Variants in SLC22A31 observed in about 807,000 individuals in gnomAD.
The protein encoded by SLC22A31 is putative solute carrier family 22 member 31.
A neutral mutation model predicts 27.4 loss-of-function variants in SLC22A31; 42 were observed. The observed-to-expected ratio is 1.53, with a 90% CI of 1.20 to 1.98. The LOEUF (loss-of-function observed/expected upper bound fraction) is 1.98. Ranked by LOEUF, SLC22A31 falls within the 30% of genes most tolerant of loss-of-function variation. The probability of loss-of-function intolerance (pLI) is 0.00; values close to 1 mark genes in which losing one functional copy is unlikely to be tolerated. For synonymous variants in SLC22A31, 290 were observed against 230.8 expected, an observed-to-expected ratio of 1.26 and a Z score of -2.33; for missense variants, 593 against 479.9, an observed-to-expected ratio of 1.24 and a Z score of -2.20.
intron 8 of SLC22A31, 26 bp downstream of exon 8, chr16:89,197,272 T>G: frequency 6.6e-7 from 1 of 1,522,134 alleles, no homozygotes. Flanking sequence ...GACCCTGCTG[T>G]GTGGCCGGGC....
rs1385619465 is a variant in SLC22A31, at chr16:89,196,212, C to T, written c.1128G>A (p.Leu376=). ...DTLHGRQGFF[L]QQVVFASLAV... is the part of the protein sequence containing the mutation. ...CAAGGGAGGCGAAGACGACTTGTTGCAGGAAGAAGCCCTGCCGGCCGTGCA... is the reference window on the plus strand; with the variant it reads ...CAAGGGAGGCGAAGACGACTTGTTGTAGGAAGAAGCCCTGCCGGCCGTGCA... Residue 376 remains leucine (L), a synonymous_variant, in exon 9 of 9, where the codon CTG becomes CTA. Coordinates refer to ENST00000682282, the MANE Select transcript of SLC22A31 (RefSeq NM_001384763.1). The T allele has an allele frequency of 1.3e-6, 2 of 1,534,890 alleles. No individual in the cohort carries two copies.
In SLC22A31 at chr16:89,199,254, A is replaced by G. The variant is rs892177287; in HGVS notation, c.284-63T>C. On this transcript the variant is annotated intron_variant, in intron 3 of 8. Transcript: ENST00000682282. ...GGAGGACTGGAACAGTTCCATTGGG[A>G]ACTGCGGGGACCTATTGGTGACCTG... is the stretch of plus-strand genomic sequence containing the variant. 15 of 1,438,286 alleles carry G rather than the reference A, an allele frequency of 1.0e-5. No individual in the cohort carries two copies. The African/African-American group carries it at 1.4e-4, about 14-fold the overall frequency. 89.1% of individuals were successfully genotyped at this position (1,438,286 alleles called of 1,614,324 possible).
At position 89,199,031 on chromosome 16, in the gene SLC22A31, G is replaced by A; in HGVS notation, c.444C>T (p.Leu148=). Residue 148 remains leucine (L), a synonymous_variant, in exon 4 of 9, where the codon CTC becomes CTT. Coordinates refer to ENST00000682282, the MANE Select transcript of SLC22A31 (RefSeq NM_001384763.1). ...GCTCCCACCACACTTACCCCCAAAA[G>A]AGCAGCAAGAGTCCACTCATCAGGG... ...LGALMSGLLL[L]FWGFPALFPE... is the part of the protein sequence containing the mutation. The A allele has an allele frequency of 6.5e-7, 1 of 1,535,444 alleles. No individual in the cohort carries two copies. The highest frequency in any genetic ancestry group is 8.7e-7 in the Non-Finnish European group (1 of 1,146,660).
At chr16:89,200,563 G>C (rs1004464296), upstream of SLC22A31, among the ~76,000 whole-genome samples, 1 of 152,218 alleles carries the variant, frequency 6.6e-6, no homozygotes. Context: ...GCAGGGTGGA[G>C]AGAGAAGCCC....
chr16:89,199,667 C>T (rs938035783), intron 2 of SLC22A31, 46 bp downstream of exon 2: 6 of 404,886 alleles, frequency 1.5e-5, no homozygotes, highest in Non-Finnish European at 2.6e-5. Flanking sequence ...TGAGAGTGGG[C>T]GGAGGGGAGG....
chr16:89,199,374 T>C, intron 3 of SLC22A31, 39 bp downstream of exon 3: 3 of 613,466 alleles, frequency 4.9e-6, no homozygotes, highest in Non-Finnish European at 8.5e-6. Context: ...GGCCACCCAC[T>C]GCCCCTCCCC....
chr16:89,196,539 G>A (rs2151608745), intron 8 of SLC22A31, among the ~76,000 whole-genome samples: 1 of 152,362 alleles, frequency 6.6e-6, no homozygotes, highest in East Asian at 1.9e-4. Flanking sequence ...ACTCCAGAGT[G>A]AGCAGGGGGA....
rs558405645 is a variant in SLC22A31 at position 89,196,446 on chromosome 16, C to A, written c.1035-141G>T. 7.9e-5 allele frequency: 98 copies of A among 1,235,624 alleles called. No homozygotes were observed. The African/African-American group carries it at 1.3e-3, about 16-fold the overall frequency. 76.5% of individuals were successfully genotyped at this position (1,235,624 alleles called of 1,614,324 possible). On this transcript the variant is annotated intron_variant, in intron 8 of 8. Coordinates refer to ENST00000682282, the MANE Select transcript of SLC22A31 (RefSeq NM_001384763.1). ...CCTGGCCCAGGAACCCGGCCCCCAG[C>A]ACCAGGCCCAGGCCGGCCCCTCTGT...
upstream of SLC22A31, chr16:89,201,555 C>A: frequency 2.5e-6 from 1 of 398,668 alleles, no homozygotes. Flanking sequence ...CTCCTCGGAG[C>A]TCAGCACCAG....
At chr16:89,201,629 G>C, upstream of SLC22A31, 1 of 398,062 alleles carries the variant, frequency 2.5e-6, no homozygotes, top group Non-Finnish European at 4.4e-6. Context: ...GGCCAAAGCC[G>C]CCCGCAGCTC....
Position 89,199,022 on chromosome 16 carries a change from C to A in SLC22A31, c.452+1G>T, listed in dbSNP as rs895490964. On this transcript the variant is annotated splice_donor_variant, in intron 4 of 8. Coordinates refer to ENST00000682282, the MANE Select transcript of SLC22A31 (RefSeq NM_001384763.1). LOFTEE classifies it high-confidence loss of function. ...GCTGGCCCAGCTCCCACCACACTTA[C>A]CCCCAAAAGAGCAGCAAGAGTCCAC... is the stretch of plus-strand genomic sequence containing the variant. The A allele has an allele frequency of 1.3e-6, 2 of 1,535,198 alleles. No individual in the cohort carries two copies. The highest frequency in any genetic ancestry group is 2.7e-5 in the African/African-American group (2 of 73,130).
chr16:89,197,977 A>G (rs1484883329), intron 7 of SLC22A31, 145 bp downstream of exon 7: 7 of 902,178 alleles, frequency 7.8e-6, no homozygotes, highest in Non-Finnish European at 1.1e-5. Context: ...TGGGCCTTCC[A>G]CAAGGATCAG....
chr16:89,198,520 T>C lies in SLC22A31; in HGVS notation c.629A>G (p.Gln210Arg), dbSNP rs1275077739. ...ELTMLSARSPQPRYHSPLGLL... is the reference protein window; with the variant it reads ...ELTMLSARSPRPRYHSPLGLL... Reference sequence around the variant, plus strand: ...CCCCAGTGGGGAGTGGTACCGGGGCTGGGGGCTCCGTGCAGACAGCATGGT... The same window carrying C: ...CCCCAGTGGGGAGTGGTACCGGGGCCGGGGGCTCCGTGCAGACAGCATGGT... Residue 210 changes from glutamine to arginine, a missense_variant, in exon 6 of 9, where the codon CAG (glutamine) becomes CGG (arginine). Coordinates refer to ENST00000682282, the MANE Select transcript of SLC22A31 (RefSeq NM_001384763.1). 1.3e-6 allele frequency: 2 copies of C among 1,510,868 alleles called. No homozygotes were observed. Among genetic ancestry groups the C allele is most frequent in the African/African-American group, 1.4e-5 (1 of 72,604 alleles). 93.6% of individuals were successfully genotyped at this position (1,510,868 alleles called of 1,614,324 possible).
rs182621216 is a variant in SLC22A31, at chr16:89,197,708, G to A, written c.923-299C>T. 1.2e-3 allele frequency among the ~76,000 whole-genome samples: 189 copies of A among 152,288 alleles called. 2 individuals are homozygous for A. Among genetic ancestry groups the A allele is most frequent in the African/African-American group, 4.4e-3 (182 of 41,558 alleles). On this transcript the variant is annotated intron_variant, in intron 7 of 8. Coordinates refer to ENST00000682282, the MANE Select transcript of SLC22A31 (RefSeq NM_001384763.1). ...CACTGTCTTTGCAATTTCGAGAACCGTCCTAAAATCTCGAATACGTTGGAA... is the reference window on the plus strand; with the variant it reads ...CACTGTCTTTGCAATTTCGAGAACCATCCTAAAATCTCGAATACGTTGGAA...
chr16:89,197,972 C>T (rs1017342594), intron 7 of SLC22A31, 150 bp downstream of exon 7: 3 of 864,118 alleles, frequency 3.5e-6, no homozygotes, highest in Non-Finnish European at 5.2e-6. Context: ...CCTTTTGGGC[C>T]TTCCACAAGG....
At position 89,198,283 on chromosome 16, in the gene SLC22A31, A is replaced by T; in HGVS notation, c.761T>A (p.Val254Glu). The T allele has an allele frequency of 6.5e-7, 1 of 1,535,914 alleles. No individual in the cohort carries two copies. The highest frequency in any genetic ancestry group is 8.7e-7 in the Non-Finnish European group (1 of 1,146,894). The change falls in exon 7 of 9, where the codon GTG becomes GAG. Residue 254 changes from valine to glutamate, a missense_variant. Physicochemically the swap from Val to Glu is moderately radical, Grantham distance 121 (BLOSUM62 -2). Coordinates refer to ENST00000682282, the MANE Select transcript of SLC22A31 (RefSeq NM_001384763.1). ...ASFRRSLAPQVPTFYLPYFLE... is the reference protein window; with the variant it reads ...ASFRRSLAPQEPTFYLPYFLE... ...GAAGTAGGGCAGGTAGAAGGTCGGCACCTGAGGTGCCAGGCTGCGGCGGAA... is the reference window on the plus strand; with the variant it reads ...GAAGTAGGGCAGGTAGAAGGTCGGCTCCTGAGGTGCCAGGCTGCGGCGGAA...
chr16:89,199,795 C>G lies in SLC22A31; in HGVS notation c.46G>C (p.Gly16Arg). Residue 16 changes from glycine (G) to arginine (R), a missense_variant, in exon 2 of 9, where the codon GGC (glycine) becomes CGC (arginine). By Grantham distance (125) the Gly-to-Arg change is moderately radical. Coordinates refer to ENST00000682282, the MANE Select transcript of SLC22A31 (RefSeq NM_001384763.1). ...SQNWNLVCGDGWKVPLEQVSH... is the reference protein window; with the variant it reads ...SQNWNLVCGDRWKVPLEQVSH... Reference sequence around the variant, plus strand: ...ACCTGCTCCAGCGGGACCTTCCAGCCGTCTCCACACACAAGGTTCCACTAT... The same window carrying G: ...ACCTGCTCCAGCGGGACCTTCCAGCGGTCTCCACACACAAGGTTCCACTAT... 2.5e-6 allele frequency: 1 copy of G among 403,446 alleles called. No homozygotes were observed. Among genetic ancestry groups the G allele is most frequent in the Non-Finnish European group, 4.4e-6 (1 of 227,896 alleles). The allele number at this position is 403,446 out of a possible 1,614,324, so 25.0% of individuals were successfully genotyped here.
At chr16:89,201,099 G>T (rs1442778207), upstream of SLC22A31, 2 of 374,158 alleles carry the variant, frequency 5.3e-6, no homozygotes, top group Non-Finnish European at 9.5e-6. Context: ...GTGCGCGCCC[G>T]TCTGCGGCAC....
rs909563716 is a variant in SLC22A31, at chr16:89,199,345, G to A, written c.283+68C>T. 2.8e-5 allele frequency: 22 copies of A among 788,172 alleles called. No homozygotes were observed. The African/African-American group carries it at 3.8e-4, about 14-fold the overall frequency. The allele number at this position is 788,172 out of a possible 1,614,324, so 48.8% of individuals were successfully genotyped here. On this transcript the variant is annotated intron_variant, in intron 3 of 8. Transcript: ENST00000682282. ...CCTGCAGCTCGGGGCCCTCGGCAAG[G>A]GAGCCTCAGAGGCCTGCGGGCCACC...
Sources: gnomAD v4.1 joint callset for allele counts (sites outside exome capture counted in the v4.1 genomes callset) on GRCh38, gnomAD v4.1.1 for gene constraint, MANE v1.5 for transcripts, NCBI Gene and HGNC (gene_info 2026-07-23, HGNC 2026-07-21) for gene names.